The following MTA3 variants were observed in gnomAD, a reference collection of about 807,000 sequenced individuals.
The protein encoded by MTA3 is metastasis associated 1 family member 3, also known as metastasis-associated protein MTA3.
A neutral mutation model predicts 83.5 loss-of-function variants in MTA3; 34 were observed. That is an observed-to-expected ratio of 0.41 (90% CI 0.31 to 0.54). MTA3 has a LOEUF of 0.54. Among genes scored for constraint, MTA3 ranks in the 20% least tolerant of loss-of-function variants. The probability of loss-of-function intolerance (pLI) is 0.33; values close to 1 mark genes in which losing one functional copy is unlikely to be tolerated. For synonymous variants in MTA3, 303 were observed against 252.7 expected (o/e 1.20, Z -1.89); for missense variants, 761 against 726.4 (o/e 1.05, Z -0.55).
intron 7 of MTA3, among the ~76,000 whole-genome samples, chr2:42,658,071 CAAAAAAAAAAAAAAAA>C (rs59628946): frequency 2.7e-4 from 14 of 51,932 alleles, no homozygotes; most frequent in African/African-American, 9.5e-4. Flanking sequence ...GACTCTGTCT[CAAAAAAAAAAAAAAAA>C]AAAAAAAAAA....
rs368832434 is a variant in MTA3, at chr2:42,579,218, G to T, written c.190+18G>T. 141 of 1,537,226 alleles carry T rather than the reference G, an allele frequency of 9.2e-5. No individual in the cohort carries two copies. Among genetic ancestry groups the T allele is most frequent in the Non-Finnish European group, 1.2e-4 (139 of 1,141,026 alleles). On this transcript the variant is annotated intron_variant, in intron 3 of 16. Transcript: ENST00000405094. ...GCATGCTAGTAAGTTGTTTTTCTCT[G>T]ATTAAAAAAACGTTTTAAGTCTTGT...
chr2:42,580,587 G>C (rs1413636940), intron 3 of MTA3, among the ~76,000 whole-genome samples: 1 of 151,892 alleles, frequency 6.6e-6, no homozygotes, highest in Non-Finnish European at 1.5e-5. Context: ...GGTCAGGCTG[G>C]TCTGGAACTC....
chr2:42,705,027 T>C (rs1459277291), intron 12 of MTA3, among the ~76,000 whole-genome samples: 1 of 152,198 alleles, frequency 6.6e-6, no homozygotes, highest in African/African-American at 2.4e-5. Context: ...AGGAAACGAA[T>C]GTTTATTGAA....
intron 10 of MTA3, among the ~76,000 whole-genome samples, chr2:42,697,289 A>G (rs1333485241): frequency 2.6e-5 from 4 of 152,218 alleles, no homozygotes; most frequent in Non-Finnish European, 5.9e-5. Flanking sequence ...ACATTTGAGA[A>G]TAAATGCTTA....
chr2:42,661,930 T>TG (rs1366680680), intron 8 of MTA3, among the ~76,000 whole-genome samples: 1 of 152,216 alleles, frequency 6.6e-6, no homozygotes, highest in Non-Finnish European at 1.5e-5. Context: ...CCTTTACCTC[T>TG]GCCTCCTTTC....
intron 8 of MTA3, among the ~76,000 whole-genome samples, chr2:42,673,820 C>T (rs987851683): frequency 2.0e-5 from 3 of 152,126 alleles, no homozygotes; most frequent in Non-Finnish European, 4.4e-5. Flanking sequence ...TGGACTTTCA[C>T]GATGAATTGT....
chr2:42,531,133 T>C (rs1180383202), intron 2 of MTA3, among the ~76,000 whole-genome samples: 2 of 152,104 alleles, frequency 1.3e-5, no homozygotes, highest in Admixed American at 6.6e-5. Flanking sequence ...CCCGGCCCCA[T>C]GTGGCAGTAT....
At chr2:42,585,402 A>G (rs116713040) in intron 3 of MTA3, among the ~76,000 whole-genome samples, 3,054 of 151,922 alleles carry the variant, frequency 0.02, 98 homozygotes, top group African/African-American at 0.069. Flanking sequence ...AGTGGAAATT[A>G]TTAAAAAGAA....
chr2:42,624,171 ACTTTT>A (rs1390802054), intron 4 of MTA3, among the ~76,000 whole-genome samples: 1 of 152,018 alleles, frequency 6.6e-6, no homozygotes, highest in Non-Finnish European at 1.5e-5. Flanking sequence ...CATAATTCAG[ACTTTT>A]CTTTGTTTAG....
intron 2 of MTA3, among the ~76,000 whole-genome samples, chr2:42,574,451 C>T (rs1279489853): frequency 6.7e-6 from 1 of 150,254 alleles, no homozygotes; most frequent in Non-Finnish European, 1.5e-5. Flanking sequence ...AACTGTGCTA[C>T]TGCATTTGCC....
chr2:42,566,061 A>G (rs1677898582), upstream of MTA3, among the ~76,000 whole-genome samples: 1 of 152,096 alleles, frequency 6.6e-6, no homozygotes, highest in Non-Finnish European at 1.5e-5. Flanking sequence ...ATCAACCAGT[A>G]GTCATATTTT....
At chr2:42,526,521 A>G (rs965342275) in intron 2 of MTA3, among the ~76,000 whole-genome samples, 3 of 152,154 alleles carry the variant, frequency 2.0e-5, no homozygotes, top group Non-Finnish European at 4.4e-5. Flanking sequence ...AGGCACTCGG[A>G]TGTCAACATC....
At chr2:42,729,221 C>A (rs1367740447) in intron 16 of MTA3, among the ~76,000 whole-genome samples, 2 of 149,918 alleles carry the variant, frequency 1.3e-5, no homozygotes, top group Non-Finnish European at 3.0e-5. Flanking sequence ...CTCAGCCTAC[C>A]CAGTAGCTGG....
At chr2:42,623,445 C>T (rs2103338) in intron 4 of MTA3, among the ~76,000 whole-genome samples, 109,490 of 152,050 alleles carry the variant, frequency 0.72, 39,604 homozygotes, top group South Asian at 0.87. Flanking sequence ...TATGTCACGC[C>T]GCTGTCTTTG....
intron 4 of MTA3, among the ~76,000 whole-genome samples, chr2:42,636,267 G>A (rs1303792879): frequency 6.6e-6 from 1 of 152,140 alleles, no homozygotes; most frequent in African/African-American, 2.4e-5. Context: ...TGGGCCAAGT[G>A]TGGTGGCTCA....
chr2:42,560,423 T>C (rs1362218785), intron 2 of MTA3, among the ~76,000 whole-genome samples: 1 of 151,150 alleles, frequency 6.6e-6, no homozygotes, highest in Non-Finnish European at 1.5e-5. Context: ...AGTGGATCAC[T>C]TGAGGTCAGG....
At chr2:42,747,607 T>C (rs1669537789) in intron 16 of MTA3, among the ~76,000 whole-genome samples, 2 of 150,532 alleles carry the variant, frequency 1.3e-5, no homozygotes, top group Admixed American at 6.6e-5. Context: ...TGGAAGTTCC[T>C]GGCTGATAAC....
intron 2 of MTA3, among the ~76,000 whole-genome samples, chr2:42,578,618 A>G (rs1317793352): frequency 6.6e-6 from 1 of 152,188 alleles, no homozygotes; most frequent in Non-Finnish European, 1.5e-5. Context: ...TCCATGGAAC[A>G]TGGGATACTT....
intron 2 of MTA3, among the ~76,000 whole-genome samples, chr2:42,538,835 C>T (rs1260816825): frequency 1.4e-5 from 2 of 139,540 alleles, no homozygotes; most frequent in Non-Finnish European, 3.0e-5. Flanking sequence ...ACTGCAGTGG[C>T]GCAATCTCGG....
Sources: gnomAD v4.1 joint callset for allele counts (sites outside exome capture counted in the v4.1 genomes callset) on GRCh38, gnomAD v4.1.1 for gene constraint, MANE v1.5 for transcripts, NCBI Gene and HGNC (gene_info 2026-07-23, HGNC 2026-07-21) for gene names.